The following RAB28 variants were observed in gnomAD, a reference collection of about 807,000 sequenced individuals.
RAB28 encodes the protein ras-related protein Rab-28.
RAB28 carries 24 observed loss-of-function variants against 31.7 expected under a neutral mutation model. That is an observed-to-expected ratio of 0.76 (90% confidence interval 0.55 to 1.06). The LOEUF is 1.06. Among genes scored for constraint, RAB28 ranks in the 50% least tolerant of loss-of-function variants. The pLI is 0.00. For synonymous variants in RAB28, 100 were observed against 90.4 expected (o/e 1.11, Z -0.60); for missense variants, 254 against 258.5 (o/e 0.98, Z 0.12).
chr4:13,409,177 C>A (rs930104347), intron 4 of RAB28, among the ~76,000 whole-genome samples: 1 of 151,978 alleles, frequency 6.6e-6, no homozygotes, highest in Non-Finnish European at 1.5e-5. Context: ...TCGAACAAAT[C>A]CAAGTCACCC....
rs529165148 is a variant in RAB28 at position 13,439,466 on chromosome 4, T to C, written c.391+21233A>G. Among the ~76,000 whole-genome samples the C allele has an allele frequency of 1.4e-4, 21 of 152,300 alleles. No homozygotes were observed. The East Asian group carries it at 3.1e-3, about 22-fold the overall frequency. On this transcript the variant is annotated intron_variant, in intron 4 of 6. Coordinates refer to ENST00000330852, the MANE Select transcript of RAB28 (RefSeq NM_001017979.3). ...ACCTCCCAGGCTCAAATAACTCTCA[T>C]GCCTCAGCCTCATGGGTAGCTGGGA... is the stretch of plus-strand genomic sequence containing the variant.
intron 4 of RAB28, among the ~76,000 whole-genome samples, chr4:13,417,607 G>C (rs975866744): frequency 3.9e-5 from 6 of 152,140 alleles, no homozygotes; most frequent in African/African-American, 1.4e-4. Context: ...AAGCAAACAG[G>C]GTCTGGAGTG....
intron 4 of RAB28, among the ~76,000 whole-genome samples, chr4:13,426,413 A>T (rs1335235697): frequency 6.6e-6 from 1 of 152,184 alleles, no homozygotes; most frequent in African/African-American, 2.4e-5. Context: ...AGAAAAAAAA[A>T]TAGATGCTTT....
intron 4 of RAB28, among the ~76,000 whole-genome samples, chr4:13,401,236 A>C (rs1342264649): frequency 6.6e-6 from 1 of 152,170 alleles, no homozygotes; most frequent in Non-Finnish European, 1.5e-5. Flanking sequence ...CAAATTATGA[A>C]TTCAACTTTT....
At chr4:13,380,656 T>C (rs1248052302) in intron 5 of RAB28, among the ~76,000 whole-genome samples, 1 of 152,130 alleles carries the variant, frequency 6.6e-6, no homozygotes, top group Non-Finnish European at 1.5e-5. Flanking sequence ...GATGTAGTTA[T>C]GGCAATCATA....
chr4:13,476,641 C>A (rs1208480051), intron 2 of RAB28, among the ~76,000 whole-genome samples: 1 of 151,388 alleles, frequency 6.6e-6, no homozygotes, highest in Non-Finnish European at 1.5e-5. Context: ...TATTCATTTT[C>A]ATTTTTGCAG....
chr4:13,449,009 C>A (rs946865563), intron 4 of RAB28, among the ~76,000 whole-genome samples: 1 of 151,564 alleles, frequency 6.6e-6, no homozygotes, highest in African/African-American at 2.4e-5. Context: ...TTATCTGGAA[C>A]AAAAAAGAAG....
In RAB28 at chr4:13,396,265, T is replaced by C. The variant is rs573831618; in HGVS notation, c.392-14671A>G. Reference sequence around the variant, plus strand: ...AACATCTTGAGTGTTGATCTGGTTATACTCAATTCAAACAAACGACTTGTC... The same window carrying C: ...AACATCTTGAGTGTTGATCTGGTTACACTCAATTCAAACAAACGACTTGTC... On this transcript the variant is annotated intron_variant, in intron 4 of 6. Coordinates refer to ENST00000330852, the MANE Select transcript of RAB28 (RefSeq NM_001017979.3). 2.6e-5 allele frequency among the ~76,000 whole-genome samples: 4 copies of C among 152,154 alleles called. No individual in the cohort carries two copies. The South Asian group carries it at 6.2e-4, about 24-fold the overall frequency.
intron 1 of RAB28, among the ~76,000 whole-genome samples, chr4:13,483,578 T>G (rs1464936765): frequency 6.6e-6 from 1 of 152,208 alleles, no homozygotes; most frequent in Non-Finnish European, 1.5e-5. Context: ...CAGATGAAGC[T>G]TAAACTGATT....
At chr4:13,446,332 A>C (rs1714693671) in intron 4 of RAB28, among the ~76,000 whole-genome samples, 1 of 152,124 alleles carries the variant, frequency 6.6e-6, no homozygotes, top group Admixed American at 6.5e-5. Context: ...ACTGAGCAAG[A>C]TCGCTTGGCT....
chr4:13,437,129 A>C (rs1254594543), intron 4 of RAB28, among the ~76,000 whole-genome samples: 1 of 152,212 alleles, frequency 6.6e-6, no homozygotes, highest in Non-Finnish European at 1.5e-5. Context: ...CCTACTCAAC[A>C]AATGGTGCTG....
At chr4:13,459,816 C>T (rs73819876) in intron 4 of RAB28, 31,674 of 1,241,542 alleles carry the variant, frequency 0.026, 1,069 homozygotes, top group African/African-American at 0.16. Context: ...GGAGATCATT[C>T]AATGAAATGC....
chr4:13,396,694 T>A lies in RAB28; in HGVS notation c.392-15100A>T, dbSNP rs1437476828. 5.9e-5 allele frequency among the ~76,000 whole-genome samples: 9 copies of A among 152,192 alleles called. No homozygotes were observed. The East Asian group carries it at 1.7e-3, about 29-fold the overall frequency. ...AAGACCTCAATGCAGTTTAAAAATTTTCCTGTATACTAGTTTTTACATTTC... is the reference window on the plus strand; with the variant it reads ...AAGACCTCAATGCAGTTTAAAAATTATCCTGTATACTAGTTTTTACATTTC... On this transcript the variant is annotated intron_variant, in intron 4 of 6. Coordinates refer to ENST00000330852, the MANE Select transcript of RAB28 (RefSeq NM_001017979.3).
intron 4 of RAB28, among the ~76,000 whole-genome samples, chr4:13,460,185 T>C (rs948049991): frequency 6.6e-6 from 1 of 152,200 alleles, no homozygotes; most frequent in Non-Finnish European, 1.5e-5. Context: ...CCATAACAAA[T>C]GGCATAGACT....
intron 5 of RAB28, among the ~76,000 whole-genome samples, chr4:13,378,805 G>A (rs1412343275): frequency 6.6e-6 from 1 of 152,142 alleles, no homozygotes; most frequent in Non-Finnish European, 1.5e-5. Context: ...GCAGCAGTAT[G>A]TAGAAGTTGT....
At chr4:13,467,131 T>C (rs1410454358) in intron 3 of RAB28, among the ~76,000 whole-genome samples, 1 of 151,930 alleles carries the variant, frequency 6.6e-6, no homozygotes, top group African/African-American at 2.4e-5. Flanking sequence ...ATAATTATTA[T>C]GTATCATACA....
At chr4:13,422,401 T>C (rs575137625) in intron 4 of RAB28, among the ~76,000 whole-genome samples, 3 of 152,232 alleles carry the variant, frequency 2.0e-5, no homozygotes, top group African/African-American at 7.2e-5. Flanking sequence ...TTGTTGGGTA[T>C]ATATCCAAAG....
At chr4:13,378,616 A>T (rs1729010981) in intron 5 of RAB28, among the ~76,000 whole-genome samples, 1 of 152,216 alleles carries the variant, frequency 6.6e-6, no homozygotes, top group South Asian at 2.1e-4. Context: ...GGTGGAAAAA[A>T]AATAATACAT....
intron 4 of RAB28, among the ~76,000 whole-genome samples, chr4:13,401,377 C>T (rs76183178): frequency 1.7e-3 from 264 of 151,968 alleles, no homozygotes; most frequent in African/African-American, 6.0e-3. Flanking sequence ...TGGCCTGTTG[C>T]GGGGAGGGAG....
Sources: gnomAD v4.1 joint callset for allele counts (sites outside exome capture counted in the v4.1 genomes callset) on GRCh38, gnomAD v4.1.1 for gene constraint, MANE v1.5 for transcripts, NCBI Gene and HGNC (gene_info 2026-07-23, HGNC 2026-07-21) for gene names.